Variants in RNF128 observed in about 807,000 individuals in gnomAD.
RNF128 encodes ring finger protein 128.
Under a neutral mutation model 26.2 loss-of-function variants are expected in RNF128, and 13 were observed. The ratio of observed to expected loss-of-function variants is 0.50; its 90% confidence interval spans 0.32 to 0.79. The LOEUF is 0.79. RNF128 is among the 30% of genes least tolerant of loss of function. The pLI is 0.03. For missense variants in RNF128, 315 were observed against 349.7 expected (o/e 0.90, Z 0.79); for synonymous variants, 149 against 142.5 (o/e 1.05, Z -0.32).
intron 1 of RNF128, among the ~76,000 whole-genome samples, chrX:106,765,805 G>T (rs1011961118): frequency 1.8e-5 from 2 of 110,886 alleles, no homozygotes; most frequent in African/African-American, 3.3e-5. Flanking sequence ...CCATGTTGGT[G>T]TGCTGCACCC....
At chrX:106,773,617 G>A (rs1335893318) in intron 2 of RNF128, among the ~76,000 whole-genome samples, 1 of 111,205 alleles carries the variant, frequency 9.0e-6, no homozygotes, top group Non-Finnish European at 1.9e-5. Flanking sequence ...ATGTGGGGAT[G>A]GGGCTGAGAA....
At chrX:106,766,177 C>T (rs918553522) in intron 1 of RNF128, among the ~76,000 whole-genome samples, 4 of 111,923 alleles carry the variant, frequency 3.6e-5, no homozygotes, top group Non-Finnish European at 7.5e-5. Context: ...AATAAACATA[C>T]GTGTGCATGT....
chrX:106,747,433 G>A (rs12837722), intron 1 of RNF128, among the ~76,000 whole-genome samples: 24,724 of 110,471 alleles, frequency 0.22, 2,761 homozygotes, highest in Non-Finnish European at 0.33. Flanking sequence ...AAAATAGGAT[G>A]AAATTAATAA....
intron 1 of RNF128, among the ~76,000 whole-genome samples, chrX:106,761,026 A>G (rs901497931): frequency 8.9e-6 from 1 of 112,264 alleles, no homozygotes; most frequent in African/African-American, 3.2e-5. Context: ...TATGCATCCA[A>G]CAAAGGTCTG....
chrX:106,793,449 C>T, intron 6 of RNF128, among the ~76,000 whole-genome samples: 1 of 111,189 alleles, frequency 9.0e-6, no homozygotes. Flanking sequence ...TACCATTCAC[C>T]CAGCTTCTCC....
At chrX:106,749,210 A>T (rs1053431918) in intron 1 of RNF128, among the ~76,000 whole-genome samples, 1 of 112,295 alleles carries the variant, frequency 8.9e-6, no homozygotes, top group African/African-American at 3.2e-5. Context: ...TTAAATATCT[A>T]TGATAAATTC....
chrX:106,719,964 C>A (rs890543238), intron 1 of RNF128, among the ~76,000 whole-genome samples: 2 of 110,358 alleles, frequency 1.8e-5, no homozygotes, highest in Admixed American at 2.0e-4. Flanking sequence ...ATCCCACTTT[C>A]CCCAAATAGT....
intron 1 of RNF128, among the ~76,000 whole-genome samples, chrX:106,710,098 T>C (rs939187610): frequency 8.9e-6 from 1 of 111,974 alleles, no homozygotes; most frequent in African/African-American, 3.3e-5. Context: ...GTGTTCTGAT[T>C]CCTGAGAAGC....
intron 1 of RNF128, among the ~76,000 whole-genome samples, chrX:106,704,418 C>G (rs1603078974): frequency 2.5e-5 from 2 of 78,792 alleles, no homozygotes; most frequent in Admixed American, 1.8e-4. Flanking sequence ...GGCGACAGAG[C>G]GAGACTCTGT....
chrX:106,728,252 G>A (rs957240203), intron 1 of RNF128, among the ~76,000 whole-genome samples: 1 of 111,427 alleles, frequency 9.0e-6, no homozygotes, highest in African/African-American at 3.3e-5. Context: ...AAAAAATGGA[G>A]AAAAAGAAAG....
At chrX:106,704,433 GAAA>G (rs55870405) in intron 1 of RNF128, among the ~76,000 whole-genome samples, 2 of 49,464 alleles carry the variant, frequency 4.0e-5, no homozygotes, top group African/African-American at 1.6e-4. Context: ...CTCTGTCTCA[GAAA>G]AAAAAAAAAA....
chrX:106,751,550 G>A (rs1023252590), intron 1 of RNF128, among the ~76,000 whole-genome samples: 11 of 110,883 alleles, frequency 9.9e-5, no homozygotes, highest in African/African-American at 3.6e-4. Flanking sequence ...CAGAACCAGA[G>A]GACTTGCGGT....
At chrX:106,713,857 A>G (rs1603082909) in intron 1 of RNF128, among the ~76,000 whole-genome samples, 1 of 110,950 alleles carries the variant, frequency 9.0e-6, no homozygotes, top group Non-Finnish European at 1.9e-5. Flanking sequence ...TTCAGAGGTA[A>G]CTCTGACCTC....
intron 6 of RNF128, among the ~76,000 whole-genome samples, chrX:106,791,941 A>G (rs1460142287): frequency 9.0e-6 from 1 of 110,622 alleles, no homozygotes; most frequent in East Asian, 2.8e-4. Flanking sequence ...CTCAATCCTC[A>G]TTTTGAGATA....
At chrX:106,707,648 G>A (rs930128817) in intron 1 of RNF128, among the ~76,000 whole-genome samples, 1 of 110,784 alleles carries the variant, frequency 9.0e-6, no homozygotes, top group African/African-American at 3.3e-5. Flanking sequence ...CCTGTGTGAT[G>A]TGCGGTTTTT....
intron 1 of RNF128, among the ~76,000 whole-genome samples, chrX:106,719,146 A>G (rs762735979): frequency 7.6e-4 from 85 of 111,946 alleles, no homozygotes; most frequent in Non-Finnish European, 1.1e-3. Flanking sequence ...CCCCAGCCTT[A>G]TTAGAAATTA....
chrX:106,787,761 C>T (rs1304014947), intron 3 of RNF128, among the ~76,000 whole-genome samples, 157 bp from the exon 4 acceptor site: 1 of 110,485 alleles, frequency 9.1e-6, no homozygotes, highest in Non-Finnish European at 1.9e-5. Context: ...TTTAAATCAC[C>T]TTTGGGAACT....
At chrX:106,718,982 G>A (rs1208559921) in intron 1 of RNF128, among the ~76,000 whole-genome samples, 2 of 112,016 alleles carry the variant, frequency 1.8e-5, no homozygotes, top group Admixed American at 1.9e-4. Flanking sequence ...TGGCAGCTGT[G>A]AATTTGTGAC....
intron 1 of RNF128, among the ~76,000 whole-genome samples, chrX:106,699,252 G>A (rs1307098435): frequency 8.9e-6 from 1 of 112,043 alleles, no homozygotes; most frequent in Non-Finnish European, 1.9e-5. Flanking sequence ...TTGAGCCTAG[G>A]CCTACAAGGT....
Sources: allele counts gnomAD v4.1 joint callset (sites outside exome capture counted in the v4.1 genomes callset), GRCh38; gene constraint gnomAD v4.1.1; transcripts MANE v1.5; gene names NCBI Gene and HGNC (gene_info 2026-07-23, HGNC 2026-07-21).